Variants in COBL observed in about 807,000 individuals in gnomAD.
The protein encoded by COBL is protein cordon-bleu.
A neutral mutation model predicts 98.8 loss-of-function variants in COBL; 51 were observed. The ratio of observed to expected loss-of-function variants is 0.52; its 90% confidence interval spans 0.41 to 0.65. The LOEUF (loss-of-function observed/expected upper bound fraction) is 0.65, where lower values mean the gene tolerates loss of function less well. COBL is among the 30% of genes least tolerant of loss of function. The pLI is 0.00. For missense variants in COBL, 1,617 were observed against 1,617.5 expected (o/e 1.00, Z 0.01); for synonymous variants, 634 against 651.7 (o/e 0.97, Z 0.41).
At chr7:51,134,181 T>C (rs6593335) in intron 6 of COBL, among the ~76,000 whole-genome samples, 82,702 of 152,028 alleles carry the variant, frequency 0.54, 23,241 homozygotes, top group Middle Eastern at 0.68. Context: ...GGGTTCCTTT[T>C]CCAGAAATTA....
At chr7:51,068,053 G>T (rs1216167604) in intron 7 of COBL, among the ~76,000 whole-genome samples, 1 of 152,192 alleles carries the variant, frequency 6.6e-6, no homozygotes, top group African/African-American at 2.4e-5. Flanking sequence ...CTGGGCTCCT[G>T]ACTAGAGCCA....
chr7:51,233,766 C>T (rs991143356), intron 1 of COBL, among the ~76,000 whole-genome samples: 5 of 152,180 alleles, frequency 3.3e-5, no homozygotes, highest in Non-Finnish European at 7.3e-5. Flanking sequence ...GGGAAACGGA[C>T]GTTTTCAGGA....
chr7:51,308,476 G>A (rs572556299), intron 1 of COBL, among the ~76,000 whole-genome samples: 1 of 152,220 alleles, frequency 6.6e-6, no homozygotes, highest in Non-Finnish European at 1.5e-5. Flanking sequence ...ATGTTCCTTA[G>A]CCTTAGTTTG....
intron 3 of COBL, among the ~76,000 whole-genome samples, chr7:51,192,831 A>T (rs1318469903): frequency 1.3e-5 from 2 of 152,160 alleles, no homozygotes; most frequent in Non-Finnish European, 2.9e-5. Context: ...TTCCTGAGTC[A>T]GGAAGAATTC....
intron 1 of COBL, among the ~76,000 whole-genome samples, chr7:51,249,066 ATATACC>A (rs1796508136): frequency 6.6e-6 from 1 of 152,234 alleles, no homozygotes; most frequent in Non-Finnish European, 1.5e-5. Flanking sequence ...AAGTCTGCAT[ATATACC>A]TATTAAATAT....
intron 7 of COBL, among the ~76,000 whole-genome samples, chr7:51,053,732 G>A (rs1190477673): frequency 2.0e-5 from 3 of 152,186 alleles, no homozygotes; most frequent in Non-Finnish European, 4.4e-5. Flanking sequence ...CTGGCACAGG[G>A]CCCCTCGGCC....
At chr7:51,066,391 C>T (rs2128917562) in intron 7 of COBL, among the ~76,000 whole-genome samples, 1 of 152,250 alleles carries the variant, frequency 6.6e-6, no homozygotes, top group African/African-American at 2.4e-5. Flanking sequence ...GAGATATGAG[C>T]AGGGTTAGAG....
chr7:51,019,771 G>A (rs953944781), intron 12 of COBL, among the ~76,000 whole-genome samples: 1 of 152,222 alleles, frequency 6.6e-6, no homozygotes, highest in Non-Finnish European at 1.5e-5. Flanking sequence ...GCACACCACA[G>A]GTTTACATTA....
intron 2 of COBL, among the ~76,000 whole-genome samples, chr7:51,219,446 T>C (rs563591309): frequency 3.4e-4 from 52 of 151,952 alleles, no homozygotes; most frequent in Non-Finnish European, 3.4e-4. Flanking sequence ...AGGTCACCGC[T>C]GTACCTGCCC....
intron 6 of COBL, among the ~76,000 whole-genome samples, chr7:51,090,861 C>T (rs975940946): frequency 2.6e-5 from 4 of 152,224 alleles, no homozygotes; most frequent in Non-Finnish European, 5.9e-5. Context: ...AGCTCAGAAG[C>T]TGGCCGCAGT....
Position 51,028,682 on chromosome 7 carries a change from C to T in COBL, c.2414G>A (p.Ser805Asn). Residue 805 changes from serine (S) to asparagine (N), a missense_variant, in exon 10 of 13, where the codon AGC becomes AAC. Physicochemically the swap from Ser to Asn is conservative, Grantham distance 46. Around this residue, in one of 3 missense-constraint regions of COBL, gnomAD observed 1,304 missense variants for 1,282.0 expected, o/e 1.02. Coordinates refer to ENST00000265136, the MANE Select transcript of COBL (RefSeq NM_015198.5). ...PVPTQTQNPESRLQADPKPIS... is the reference protein window; with the variant it reads ...PVPTQTQNPENRLQADPKPIS... Reference sequence around the variant, plus strand: ...TGGCTTGGGGTCTGCTTGGAGTCTGCTCTCTGGATTCTGCGTCTGCGTGGG... The same window carrying T: ...TGGCTTGGGGTCTGCTTGGAGTCTGTTCTCTGGATTCTGCGTCTGCGTGGG... The T allele has an allele frequency of 6.2e-7, 1 of 1,613,124 alleles. No homozygotes were observed. Among genetic ancestry groups the T allele is most frequent in the Non-Finnish European group, 8.5e-7 (1 of 1,179,484 alleles).
chr7:51,204,601 G>C (rs903956416), intron 2 of COBL, among the ~76,000 whole-genome samples: 1 of 150,506 alleles, frequency 6.6e-6, no homozygotes, highest in East Asian at 2.0e-4. Context: ...CGCCAGGCTG[G>C]AGTGCATGGT....
intron 2 of COBL, among the ~76,000 whole-genome samples, chr7:51,207,521 A>G (rs1584172981): frequency 6.6e-6 from 1 of 151,744 alleles, no homozygotes; most frequent in Non-Finnish European, 1.5e-5. Context: ...GCTCACTGCA[A>G]CCTCCCTGCC....
Position 51,019,531 on chromosome 7 carries a change from T to C in COBL, c.3769-1963A>G, listed in dbSNP as rs548623591. On this transcript the variant is annotated intron_variant, in intron 12 of 12. Transcript: ENST00000265136. ...AAGGAACAAAGGGATGAGTCAGGAA[T>C]GAGCTGGTCAAATGTGGGGAACAGC... Among the ~76,000 whole-genome samples the C allele has an allele frequency of 1.8e-4, 28 of 152,334 alleles. No homozygotes were observed. The East Asian group carries it at 5.0e-3, about 27-fold the overall frequency.
In COBL at chr7:51,028,860, C is replaced by T. The variant is rs367789677; in HGVS notation, c.2236G>A (p.Gly746Ser). 45 of 1,614,052 alleles carry T rather than the reference C, an allele frequency of 2.8e-5. No individual in the cohort carries two copies. The highest frequency in any genetic ancestry group is 2.3e-4 in the African/African-American group (17 of 74,920). ...LGNLVSPHAT[G>S]IRIISLSSSV... ...GAAGACAGGGAAATGATCCTGATGC[C>T]GGTGGCGTGAGGACTCACCAAGTTC... The change falls in exon 10 of 13, where the codon GGC (glycine) becomes AGC (serine). Residue 746 changes from glycine (G) to serine (S), a missense_variant. By Grantham distance (56) the Gly-to-Ser change is moderately conservative (BLOSUM62 0). This residue lies in a region of COBL where 1,304 missense variants were observed against 1,282.0 expected (regional missense o/e 1.02). Transcript: ENST00000265136.
chr7:51,211,598 A>G (rs1792440635), intron 2 of COBL, among the ~76,000 whole-genome samples: 1 of 152,226 alleles, frequency 6.6e-6, no homozygotes, highest in Admixed American at 6.5e-5. Flanking sequence ...AGGATCACCT[A>G]TCTGTATGTT....
intron 1 of COBL, among the ~76,000 whole-genome samples, chr7:51,227,888 C>T (rs923863294): frequency 6.6e-6 from 1 of 152,148 alleles, no homozygotes; most frequent in Admixed American, 6.5e-5. Flanking sequence ...GCCAGAAAAA[C>T]AGTCAACAGA....
intron 8 of COBL, chr7:51,032,167 CAAG>C (rs1172586578): frequency 6.6e-6 from 1 of 152,248 alleles, no homozygotes; most frequent in African/African-American, 2.4e-5. Flanking sequence ...CCCCAAAGCC[CAAG>C]AAGGACCAGC....
At chr7:51,225,531 G>T (rs1002265019) in intron 1 of COBL, among the ~76,000 whole-genome samples, 30 of 152,190 alleles carry the variant, frequency 2.0e-4, no homozygotes, top group African/African-American at 7.0e-4. Flanking sequence ...AGCAGGGAAT[G>T]AATCACAGCA....
Sources: allele counts gnomAD v4.1 joint callset (sites outside exome capture counted in the v4.1 genomes callset), GRCh38; gene constraint gnomAD v4.1.1; regional missense constraint gnomAD v4.1.1; transcripts MANE v1.5; gene names NCBI Gene and HGNC (gene_info 2026-07-23, HGNC 2026-07-21).